The following SEPTIN2 variants were observed in gnomAD, a reference collection of about 807,000 sequenced individuals.
SEPTIN2 encodes the protein septin 2, also known as septin-2.
Under a neutral mutation model 46.5 loss-of-function variants are expected in SEPTIN2, and 34 were observed. The observed-to-expected ratio is 0.73, with a 90% CI of 0.56 to 0.97. The LOEUF (loss-of-function observed/expected upper bound fraction) is 0.97, where lower values mean the gene tolerates loss of function less well. Ranked by LOEUF, SEPTIN2 falls within the 50% of genes least tolerant of loss-of-function variation. SEPTIN2 has a pLI of 0.00. For missense variants in SEPTIN2, 347 were observed against 448.4 expected (o/e 0.77, Z 2.04); for synonymous variants, 175 against 153.4 (o/e 1.14, Z -1.04).
chr2:241,345,279 TTAAAA>T (rs999215025), intron 9 of SEPTIN2, among the ~76,000 whole-genome samples: 13 of 152,156 alleles, frequency 8.5e-5, no homozygotes, highest in Admixed American at 5.9e-4. Flanking sequence ...TTGTAGTGAG[TTAAAA>T]TAAGTAAGCA....
At chr2:241,319,661 G>A (rs755083630) in intron 1 of SEPTIN2, among the ~76,000 whole-genome samples, 4 of 151,990 alleles carry the variant, frequency 2.6e-5, no homozygotes, top group Admixed American at 2.0e-4. Flanking sequence ...GCACCATCTC[G>A]GCTCACTACA....
chr2:241,327,398 A>G (rs1575187841), intron 3 of SEPTIN2, among the ~76,000 whole-genome samples: 1 of 152,118 alleles, frequency 6.6e-6, no homozygotes. Flanking sequence ...GTAGAAGCAC[A>G]GTAAGGGAAA....
rs2060648361 is a variant in SEPTIN2 at position 241,350,079 on chromosome 2, C to T, written c.991C>T (p.Arg331Cys). ...ILLEKEAELR[R>C]MQEMIARMQA... ...TGTGTGTGTGTGTTCACAGCTCCGC[C>T]GCATGCAAGAGATGATTGCAAGGAT... The change falls in exon 12 of 13, where the codon CGC becomes TGC. Residue 331 changes from arginine (R) to cysteine (C), a missense_variant. Coordinates refer to ENST00000391971, the MANE Select transcript of SEPTIN2 (RefSeq NM_004404.5). 3 of 1,613,754 alleles carry T rather than the reference C, an allele frequency of 1.9e-6. No homozygotes were observed. The highest frequency in any genetic ancestry group is 1.7e-5 in the Admixed American group (1 of 59,998).
Position 241,352,694 on chromosome 2 carries a change from T to C in SEPTIN2, c.*757T>C, listed in dbSNP as rs1259120228. ...CACCTTTTGTAGTGTTCTCCACTAA[T>C]ACTGGTTATCCTGTGCTACAGAGAA... On this transcript the variant is annotated 3_prime_UTR_variant, in exon 13 of 13. Coordinates refer to ENST00000391971, the MANE Select transcript of SEPTIN2 (RefSeq NM_004404.5). 2.0e-5 allele frequency: 3 copies of C among 152,240 alleles called. No homozygotes were observed. The highest frequency in any genetic ancestry group is 4.4e-5 in the Non-Finnish European group (3 of 68,042). 9.4% of individuals were successfully genotyped at this position (152,240 alleles called of 1,614,324 possible).
In SEPTIN2 at chr2:241,324,201, T is replaced by A. The variant is rs918610733; in HGVS notation, c.-17-15T>A. 1 of 1,413,456 alleles carries A rather than the reference T, an allele frequency of 7.1e-7. No individual in the cohort carries two copies. The highest frequency in any genetic ancestry group is 1.9e-4 in the Middle Eastern group (1 of 5,226). 87.6% of individuals were successfully genotyped at this position (1,413,456 alleles called of 1,614,324 possible). Reference sequence around the variant, plus strand: ...ATGTGCGTTTATGTGTGTCTGTGTGTTTTTTTTTTAACAGACGAAGCTTCA... The same window carrying A: ...ATGTGCGTTTATGTGTGTCTGTGTGATTTTTTTTTAACAGACGAAGCTTCA... On this transcript the variant is annotated splice_polypyrimidine_tract_variant and intron_variant, in intron 1 of 12. Transcript: ENST00000391971.
rs2150132157 is a variant in SEPTIN2, at chr2:241,342,111, C to T, written c.595-881C>T. Among the ~76,000 whole-genome samples, 3 of 152,318 alleles carry T rather than the reference C, an allele frequency of 2.0e-5. No homozygotes were observed. The Middle Eastern group carries it at 0.01, about 518-fold the overall frequency. On this transcript the variant is annotated intron_variant, in intron 7 of 12. Coordinates refer to ENST00000391971, the MANE Select transcript of SEPTIN2 (RefSeq NM_004404.5). ...TCGCTAGCCTGGTGTTGATGGAACTCTCCACTTTGTAATTCCAATTTTTGT... is the reference window on the plus strand; with the variant it reads ...TCGCTAGCCTGGTGTTGATGGAACTTTCCACTTTGTAATTCCAATTTTTGT...
At chr2:241,340,336 A>G (rs1036599686) in intron 7 of SEPTIN2, among the ~76,000 whole-genome samples, 3 of 152,094 alleles carry the variant, frequency 2.0e-5, no homozygotes, top group African/African-American at 7.2e-5. Context: ...TAACACATAT[A>G]CTTATTTTTA....
intron 10 of SEPTIN2, among the ~76,000 whole-genome samples, chr2:241,346,792 T>C (rs934617648): frequency 6.6e-6 from 1 of 152,066 alleles, no homozygotes; most frequent in African/African-American, 2.4e-5. Context: ...GGCCAGAGGC[T>C]TGTGTCGAGT....
At chr2:241,333,506 T>TTTTTG (rs1046043769) in intron 3 of SEPTIN2, among the ~76,000 whole-genome samples, 1 of 152,190 alleles carries the variant, frequency 6.6e-6, no homozygotes, top group Non-Finnish European at 1.5e-5. Flanking sequence ...TGCATGTTTC[T>TTTTTG]TTTTGTTTTG....
chr2:241,335,935 A>G lies in SEPTIN2; in HGVS notation c.218-40A>G, dbSNP rs770971980. 5 of 1,614,022 alleles carry G rather than the reference A, an allele frequency of 3.1e-6. No homozygotes were observed. In the Admixed American group the frequency reaches 5.0e-5, roughly 16 times the overall value. On this transcript the variant is annotated intron_variant, in intron 4 of 12. Coordinates refer to ENST00000391971, the MANE Select transcript of SEPTIN2 (RefSeq NM_004404.5). ...TAAGAACGTGAGCTTTCCTCTTCACATGCTGCTTATATTCCCTATTAAGTT... is the reference window on the plus strand; with the variant it reads ...TAAGAACGTGAGCTTTCCTCTTCACGTGCTGCTTATATTCCCTATTAAGTT...
intron 1 of SEPTIN2, chr2:241,317,644 C>A: frequency 1.3e-6 from 1 of 764,210 alleles, no homozygotes; most frequent in Non-Finnish European, 1.6e-6. Flanking sequence ...TCATACATGC[C>A]ACTTATCCCT....
chr2:241,343,235 A>C, intron 8 of SEPTIN2, 142 bp downstream of exon 8: 1 of 605,614 alleles, frequency 1.7e-6, no homozygotes, highest in Middle Eastern at 2.6e-4. Flanking sequence ...GCAGTGGCTC[A>C]TGCCTATAAT....
chr2:241,318,633 A>T (rs2076714957), intron 1 of SEPTIN2, among the ~76,000 whole-genome samples: 1 of 151,168 alleles, frequency 6.6e-6, no homozygotes, highest in African/African-American at 2.4e-5. Flanking sequence ...CTTACTTGAG[A>T]TCTTATATTT....
intron 7 of SEPTIN2, among the ~76,000 whole-genome samples, chr2:241,339,785 G>C (rs1233534295): frequency 6.6e-6 from 1 of 152,050 alleles, no homozygotes; most frequent in Non-Finnish European, 1.5e-5. Context: ...TGAGCCCAAC[G>C]CTGCACACAA....
intron 1 of SEPTIN2, chr2:241,316,442 C>T (rs776739215): frequency 7.0e-7 from 1 of 1,422,282 alleles, no homozygotes. Context: ...CTGGCCAGCC[C>T]CCAAACCTCC....
chr2:241,337,476 G>A lies in SEPTIN2; in HGVS notation c.436G>A (p.Val146Met). 1 of 1,614,034 alleles carries A rather than the reference G, an allele frequency of 6.2e-7. No individual in the cohort carries two copies. Among genetic ancestry groups the A allele is most frequent in the South Asian group, 1.1e-5 (1 of 91,036 alleles). Residue 146 changes from valine to methionine, a missense_variant, in exon 6 of 13, where the codon GTG becomes ATG. Val to Met is a conservative substitution (Grantham distance 21). Coordinates refer to ENST00000391971, the MANE Select transcript of SEPTIN2 (RefSeq NM_004404.5). ...LNRRHIIDNR[V>M]HCCFYFISPF... Reference sequence around the variant, plus strand: ...CAGGCGGCACATCATTGATAATAGGGTGCATTGTTGCTTTTACTTTATTTC... The same window carrying A: ...CAGGCGGCACATCATTGATAATAGGATGCATTGTTGCTTTTACTTTATTTC...
At chr2:241,338,584 T>TAA (rs1265157575) in intron 7 of SEPTIN2, among the ~76,000 whole-genome samples, 1 of 134,340 alleles carries the variant, frequency 7.4e-6, no homozygotes, top group Non-Finnish European at 1.5e-5. Context: ...ACGCTGTCTC[T>TAA]AAAAAAATAT....
chr2:241,343,397 G>T (rs1205138066), intron 8 of SEPTIN2, among the ~76,000 whole-genome samples: 1 of 151,968 alleles, frequency 6.6e-6, no homozygotes, highest in Non-Finnish European at 1.5e-5. Context: ...CACTCGGGAG[G>T]CTAAGGCAGG....
chr2:241,337,508 T>C lies in SEPTIN2; in HGVS notation c.468T>C (p.Phe156=). Residue 156 remains phenylalanine (F), a synonymous_variant, in exon 6 of 13, where the codon TTT becomes TTC. Transcript: ENST00000391971. ...VHCCFYFISP[F]GHGLKPLDVA... The stretch of plus-strand genomic sequence containing the variant: ...GTTGCTTTTACTTTATTTCACCTTT[T>C]GGACATGGGTAAGTAATTGTTTATC... 1 of 1,613,836 alleles carries C rather than the reference T, an allele frequency of 6.2e-7. No homozygotes were observed. The highest frequency in any genetic ancestry group is 8.5e-7 in the Non-Finnish European group (1 of 1,179,862).
Sources: allele counts gnomAD v4.1 joint callset (sites outside exome capture counted in the v4.1 genomes callset), GRCh38; gene constraint gnomAD v4.1.1; transcripts MANE v1.5; gene names NCBI Gene and HGNC (gene_info 2026-07-23, HGNC 2026-07-21).